SCARB2: variants seen among roughly 807,000 people sequenced by gnomAD.
The protein encoded by SCARB2 is lysosome membrane protein 2.
SCARB2 carries 29 observed loss-of-function variants against 58.6 expected under a neutral mutation model. That is an observed-to-expected ratio of 0.49 (90% CI 0.37 to 0.67). The LOEUF is 0.67. Among genes scored for constraint, SCARB2 ranks in the 30% least tolerant of loss-of-function variants. The pLI is 0.00. For missense variants in SCARB2, 488 were observed against 578.5 expected, an observed-to-expected ratio of 0.84 and a Z score of 1.60; for synonymous variants, 195 against 210.1, an observed-to-expected ratio of 0.93 and a Z score of 0.62.
intron 7 of SCARB2, chr4:76,173,884 G>T: frequency 2.2e-6 from 1 of 449,638 alleles, no homozygotes. Context: ...ATGAAACATT[G>T]TTCTTGAAAG....
upstream of SCARB2, chr4:76,217,619 T>C (rs1400452406): frequency 1.6e-6 from 1 of 626,222 alleles, no homozygotes; most frequent in Non-Finnish European, 2.9e-6. Context: ...TGCAGATGTC[T>C]GTGCCGTGCG....
Position 76,176,679 on chromosome 4 carries a change from A to T in SCARB2, c.613-151T>A, listed in dbSNP as rs1732257918. The T allele has an allele frequency of 8.1e-6, 5 of 619,672 alleles. No homozygotes were observed. The African/African-American group carries it at 9.2e-5, about 11-fold the overall frequency. 38.4% of individuals were successfully genotyped at this position (619,672 alleles called of 1,614,324 possible). ...GTGTGATTAATATCTACAATCCGTT[A>T]ACTTTAAGGGAGGTTACCCTCAATA... On this transcript the variant is annotated intron_variant, in intron 4 of 11. Transcript: ENST00000264896.
At chr4:76,219,642 G>A (rs1456494595) in intron 1 of SCARB2, among the ~76,000 whole-genome samples, 1 of 152,146 alleles carries the variant, frequency 6.6e-6, no homozygotes, top group Non-Finnish European at 1.5e-5. Context: ...GGAGAGTGAA[G>A]AGGGGACTGT....
intron 1 of SCARB2, among the ~76,000 whole-genome samples, chr4:76,220,549 T>C (rs1230344026): frequency 6.6e-6 from 1 of 152,096 alleles, no homozygotes. Context: ...ATTCCTCGAG[T>C]CCAGGAGTTC....
At chr4:76,186,779 T>C (rs2109953686) in intron 2 of SCARB2, among the ~76,000 whole-genome samples, 1 of 152,244 alleles carries the variant, frequency 6.6e-6, no homozygotes, top group African/African-American at 2.4e-5. Context: ...CATGATAAGA[T>C]GGTGTGAGAG....
intron 4 of SCARB2, chr4:76,179,004 TC>T (rs1374005669): frequency 1.2e-5 from 2 of 167,056 alleles, no homozygotes; most frequent in African/African-American, 2.4e-5. Context: ...TTTACCAACT[TC>T]CCAACTATCC....
intron 2 of SCARB2, among the ~76,000 whole-genome samples, 177 bp from the exon 3 acceptor site, chr4:76,181,278 G>C (rs1732378577): frequency 6.6e-6 from 1 of 152,176 alleles, no homozygotes; most frequent in Non-Finnish European, 1.5e-5. Flanking sequence ...ATGTGGGAAG[G>C]AAACGAGGCC....
chr4:76,197,537 T>C (rs1174649364), intron 1 of SCARB2, among the ~76,000 whole-genome samples: 3 of 150,922 alleles, frequency 2.0e-5, no homozygotes, highest in Non-Finnish European at 2.9e-5. Flanking sequence ...CCACATATTA[T>C]TGTTATAAGC....
rs1476144196 is a variant in SCARB2, at chr4:76,162,915, C to A, written c.1398+310G>T. Reference sequence around the variant, plus strand: ...CTGACACCAAAGATCAGATGTGTAACTGTTATATATTCTTCCTTTTCTTTC... The same window carrying A: ...CTGACACCAAAGATCAGATGTGTAAATGTTATATATTCTTCCTTTTCTTTC... On this transcript the variant is annotated intron_variant, in intron 11 of 11. Transcript: ENST00000264896. 1.1e-5 allele frequency: 6 copies of A among 554,850 alleles called. No homozygotes were observed. In the Admixed American group the frequency reaches 1.9e-4, roughly 18 times the overall value. The allele number at this position is 554,850 out of a possible 1,614,324, so 34.4% of individuals were successfully genotyped here. A position where few individuals can be genotyped will look rare whatever the true frequency, so the allele number is the denominator to read the frequency against.
At chr4:76,186,648 G>A (rs867513081) in intron 2 of SCARB2, among the ~76,000 whole-genome samples, 1 of 152,188 alleles carries the variant, frequency 6.6e-6, no homozygotes, top group Non-Finnish European at 1.5e-5. Context: ...CACTCCTTAA[G>A]ATGGAAATAT....
upstream of SCARB2, among the ~76,000 whole-genome samples, chr4:76,217,208 C>T (rs1733224010): frequency 6.6e-6 from 1 of 152,206 alleles, no homozygotes; most frequent in East Asian, 1.9e-4. Context: ...CCACTAATAA[C>T]CCTGAACACA....
intron 2 of SCARB2, among the ~76,000 whole-genome samples, chr4:76,190,145 G>A (rs1732574280): frequency 6.6e-6 from 1 of 151,806 alleles, no homozygotes; most frequent in Non-Finnish European, 1.5e-5. Flanking sequence ...CGTAGCTGGG[G>A]CCACAGGCAC....
chr4:76,175,217 G>T (rs1400678433), intron 6 of SCARB2: 1 of 154,174 alleles, frequency 6.5e-6, no homozygotes. Context: ...ATTATATTAT[G>T]GATATAACTG....
intron 1 of SCARB2, among the ~76,000 whole-genome samples, chr4:76,228,810 C>T (rs906850249): frequency 6.6e-6 from 1 of 152,156 alleles, no homozygotes; most frequent in African/African-American, 2.4e-5. Context: ...TGTTAGATAA[C>T]TTGATGACTA....
intron 1 of SCARB2, among the ~76,000 whole-genome samples, chr4:76,200,009 G>C (rs1399733094): frequency 1.3e-5 from 2 of 152,216 alleles, no homozygotes; most frequent in Admixed American, 6.5e-5. Flanking sequence ...GGCAAAGGAA[G>C]GCCTGAGAAA....
intron 1 of SCARB2, among the ~76,000 whole-genome samples, chr4:76,233,722 C>A (rs977709972): frequency 2.0e-5 from 3 of 152,096 alleles, no homozygotes; most frequent in African/African-American, 7.2e-5. Flanking sequence ...CCAACCACAG[C>A]AGGCTCATCC....
chr4:76,170,971 T>TAAAA (rs1491373124), intron 7 of SCARB2, among the ~76,000 whole-genome samples: 3 of 133,910 alleles, frequency 2.2e-5, no homozygotes, highest in African/African-American at 8.4e-5. Context: ...TATATATATA[T>TAAAA]AACCAAATAG....
chr4:76,233,470 G>A (rs1733527302), intron 1 of SCARB2, among the ~76,000 whole-genome samples: 1 of 152,096 alleles, frequency 6.6e-6, no homozygotes, highest in African/African-American at 2.4e-5. Flanking sequence ...AAAGTCGCGT[G>A]AACTGAAAGG....
rs140775461 is a variant in SCARB2, at chr4:76,195,958, C to T, written c.118-94G>A. ...AGGAAGGGACGCCCCCTATTCTGACCTCCTAGATCACTATTTTAATCATTT... is the reference window on the plus strand; with the variant it reads ...AGGAAGGGACGCCCCCTATTCTGACTTCCTAGATCACTATTTTAATCATTT... On this transcript the variant is annotated intron_variant, in intron 1 of 11. Transcript: ENST00000264896. 488 of 819,622 alleles carry T rather than the reference C, an allele frequency of 6.0e-4. 2 individuals are homozygous for T. In the African/African-American group the frequency reaches 7.6e-3, roughly 13 times the overall value. The allele number at this position is 819,622 out of a possible 1,614,324, so 50.8% of individuals were successfully genotyped here. A position where few individuals can be genotyped will look rare whatever the true frequency, so the allele number is the denominator to read the frequency against.
Sources: gnomAD v4.1 joint callset for allele counts (sites outside exome capture counted in the v4.1 genomes callset) on GRCh38, gnomAD v4.1.1 for gene constraint, MANE v1.5 for transcripts, NCBI Gene and HGNC (gene_info 2026-07-23, HGNC 2026-07-21) for gene names.